The following CD96 variants were observed in gnomAD, a reference collection of about 807,000 sequenced individuals.
The protein encoded by CD96 is T-cell surface protein tactile.
Under a neutral mutation model 71.3 loss-of-function variants are expected in CD96, and 70 were observed. That is an observed-to-expected ratio of 0.98 (90% confidence interval 0.81 to 1.20). The LOEUF (loss-of-function observed/expected upper bound fraction) is 1.20, where lower values mean the gene tolerates loss of function less well. Among genes scored for constraint, CD96 ranks in the 50% most tolerant of loss-of-function variants. CD96 has a pLI of 0.00. For missense variants in CD96, 742 were observed against 677.5 expected, an observed-to-expected ratio of 1.10 and a Z score of -1.06; for synonymous variants, 248 against 233.0, an observed-to-expected ratio of 1.06 and a Z score of -0.59.
At chr3:111,573,207 G>A (rs1936066822) in intron 3 of CD96, among the ~76,000 whole-genome samples, 1 of 152,128 alleles carries the variant, frequency 6.6e-6, no homozygotes, top group South Asian at 2.1e-4. Context: ...GCTTATTCTG[G>A]AAGCTTCTAA....
chr3:111,631,277 T>C (rs1056010453), intron 10 of CD96, among the ~76,000 whole-genome samples: 72 of 152,348 alleles, frequency 4.7e-4, no homozygotes, highest in African/African-American at 1.6e-3. Flanking sequence ...CTTCTTAAGC[T>C]GATAAGCAAC....
At chr3:111,636,575 G>C (rs1939338483) in intron 10 of CD96, among the ~76,000 whole-genome samples, 1 of 152,166 alleles carries the variant, frequency 6.6e-6, no homozygotes. Flanking sequence ...TGAGTTGTTA[G>C]ATCTATTTCA....
At chr3:111,595,083 C>G (rs949974768) in intron 5 of CD96, 4 of 167,022 alleles carry the variant, frequency 2.4e-5, no homozygotes, top group Non-Finnish European at 5.9e-5. Flanking sequence ...AGCCAACAGC[C>G]AATAAGACCT....
chr3:111,627,360 G>A (rs973561491), intron 10 of CD96, among the ~76,000 whole-genome samples: 8 of 152,194 alleles, frequency 5.3e-5, no homozygotes, highest in African/African-American at 1.9e-4. Flanking sequence ...CCACAACACA[G>A]TTCCCCAGCA....
chr3:111,613,904 G>A (rs936414550), intron 8 of CD96, among the ~76,000 whole-genome samples: 13 of 152,196 alleles, frequency 8.5e-5, no homozygotes, highest in African/African-American at 2.7e-4. Flanking sequence ...GTACTTGGTT[G>A]ATTAAATAAG....
chr3:111,554,476 T>C (rs1934883762), intron 2 of CD96, among the ~76,000 whole-genome samples: 1 of 152,158 alleles, frequency 6.6e-6, no homozygotes, highest in Non-Finnish European at 1.5e-5. Flanking sequence ...GAAGCATTTG[T>C]TTGTCTGTTC....
intron 12 of CD96, among the ~76,000 whole-genome samples, chr3:111,644,605 A>G (rs573130474): frequency 6.6e-6 from 1 of 152,318 alleles, no homozygotes; most frequent in East Asian, 1.9e-4. Flanking sequence ...GAAAACCTTC[A>G]CAATCTATAC....
chr3:111,657,263 C>T (rs1940252684), downstream of CD96, among the ~76,000 whole-genome samples: 1 of 151,914 alleles, frequency 6.6e-6, no homozygotes, highest in Non-Finnish European at 1.5e-5. Context: ...ACTAAAAATA[C>T]AAAAATTAGC....
rs778980764 is a variant in CD96, at chr3:111,600,706, T to C, written c.899-20T>C. The stretch of plus-strand genomic sequence containing the variant: ...TACATAAAATGTTAGTGTTGAACCA[T>C]GTTCGTATCTGTCTGGCAGGAATAT... On this transcript the variant is annotated intron_variant, in intron 6 of 13. Transcript: ENST00000352690. 10 of 1,570,740 alleles carry C rather than the reference T, an allele frequency of 6.4e-6. No individual in the cohort carries two copies. In the East Asian group the frequency reaches 6.7e-5, roughly 11 times the overall value.
Position 111,579,183 on chromosome 3 carries a change from A to C in CD96, c.700A>C (p.Arg234=), listed in dbSNP as rs375233278. The change falls in exon 4 of 14, where the codon AGA becomes CGA. Residue 234 remains arginine (R), a synonymous_variant. Transcript: ENST00000352690. The part of the protein sequence containing the change: ...DDGRKFSCHI[R]VGPNKILRSS... ...TGGGCGGAAGTTCTCTTGCCACATT[A>C]GAGTCGGTCCTAACAAAATCTTGAG... The C allele has an allele frequency of 6.2e-7, 1 of 1,612,046 alleles. No individual in the cohort carries two copies. Among genetic ancestry groups the C allele is most frequent in the Admixed American group, 1.7e-5 (1 of 60,026 alleles).
intron 14 of CD96, among the ~76,000 whole-genome samples, chr3:111,660,975 C>G (rs1481554310): frequency 2.0e-5 from 3 of 152,070 alleles, no homozygotes; most frequent in Non-Finnish European, 2.9e-5. Flanking sequence ...ATTCTCACAC[C>G]TATAGAGACA....
intron 2 of CD96, among the ~76,000 whole-genome samples, chr3:111,551,820 G>A (rs539339812): frequency 6.6e-6 from 1 of 152,066 alleles, no homozygotes; most frequent in Non-Finnish European, 1.5e-5. Context: ...TACCAGTAAC[G>A]GGATTGCTGG....
At chr3:111,579,298 A>G (rs9831496) in intron 4 of CD96, 64 bp downstream of exon 4, 104,722 of 905,034 alleles carry the variant, frequency 0.12, 7,276 homozygotes, top group East Asian at 0.25. Context: ...TCTTCCTTGA[A>G]GAGGAAGCAC....
intron 3 of CD96, among the ~76,000 whole-genome samples, chr3:111,572,454 A>G (rs559504966): frequency 2.0e-5 from 3 of 152,246 alleles, no homozygotes; most frequent in Non-Finnish European, 2.9e-5. Context: ...CATAATTGTT[A>G]CATGTCTGCA....
chr3:111,620,927 T>C (rs766633750), intron 8 of CD96, among the ~76,000 whole-genome samples: 1 of 152,236 alleles, frequency 6.6e-6, no homozygotes, highest in Non-Finnish European at 1.5e-5. Flanking sequence ...AAATGATTTA[T>C]GTCACATTAT....
chr3:111,611,752 G>C (rs544617589), intron 8 of CD96, among the ~76,000 whole-genome samples: 2 of 152,166 alleles, frequency 1.3e-5, no homozygotes, highest in African/African-American at 2.4e-5. Context: ...CTTCACATTC[G>C]CATCATAAGC....
At chr3:111,581,763 A>G (rs1029649053) in intron 4 of CD96, among the ~76,000 whole-genome samples, 3 of 152,142 alleles carry the variant, frequency 2.0e-5, no homozygotes, top group African/African-American at 7.2e-5. Flanking sequence ...TTCTGCTGGT[A>G]TTTGTTAACA....
intron 2 of CD96, among the ~76,000 whole-genome samples, chr3:111,566,526 G>C (rs1471753278): frequency 3.9e-5 from 6 of 152,086 alleles, no homozygotes; most frequent in Non-Finnish European, 1.5e-5. Context: ...CAGGATTGCA[G>C]ACTATGAGAA....
chr3:111,549,730 AT>A (rs1934599619), intron 2 of CD96, among the ~76,000 whole-genome samples: 1 of 152,186 alleles, frequency 6.6e-6, no homozygotes, highest in Non-Finnish European at 1.5e-5. Context: ...TGATGCTTTA[AT>A]TTCTAATATG....
Sources: allele counts gnomAD v4.1 joint callset (sites outside exome capture counted in the v4.1 genomes callset), GRCh38; gene constraint gnomAD v4.1.1; transcripts MANE v1.5; gene names NCBI Gene and HGNC (gene_info 2026-07-23, HGNC 2026-07-21).